Variants in CFAP74 observed in about 807,000 individuals in gnomAD.
The protein encoded by CFAP74 is cilia and flagella associated protein 74.
A neutral mutation model predicts 188.9 loss-of-function variants in CFAP74; 124 were observed. That is an observed-to-expected ratio of 0.66 (90% CI 0.57 to 0.76). CFAP74 has a LOEUF of 0.76. Among genes scored for constraint, CFAP74 ranks in the 30% least tolerant of loss-of-function variants. CFAP74 has a pLI of 0.00. For synonymous variants in CFAP74, 956 were observed against 916.7 expected (o/e 1.04, Z -0.77); for missense variants, 2,198 against 2,165.2 (o/e 1.02, Z -0.30).
chr1:1,947,918 G>C (rs1000368511), intron 18 of CFAP74, among the ~76,000 whole-genome samples: 1 of 152,168 alleles, frequency 6.6e-6, no homozygotes, highest in African/African-American at 2.4e-5. Flanking sequence ...TGTCATCCAG[G>C]CTGGAGTACA....
rs1006320100 is a variant in CFAP74 at position 1,923,841 on chromosome 1, G to T, written c.4323C>A (p.Val1441=). 28 of 1,613,450 alleles carry T rather than the reference G, an allele frequency of 1.7e-5. No homozygotes were observed. Among genetic ancestry groups the T allele is most frequent in the Non-Finnish European group, 2.4e-5 (28 of 1,179,814 alleles). Residue 1441 remains valine, a synonymous_variant, in exon 35 of 39, where the codon GTC becomes GTA. Transcript: ENST00000682832. This position sits in a 1 kb window ranked among gnomAD's most constrained non-coding sequence, Gnocchi z 6.3. ...MDPGKTQDFT[V]TFSPDHESLY... Reference sequence around the variant, plus strand: ...GGCTTTCGTGGTCGGGGCTGAAGGTGACAGTGAAGTCTTGTGTCTTCCCGG... The same window carrying T: ...GGCTTTCGTGGTCGGGGCTGAAGGTTACAGTGAAGTCTTGTGTCTTCCCGG...
At chr1:1,980,463 A>G (rs1027321618) in intron 6 of CFAP74, among the ~76,000 whole-genome samples, 1 of 145,928 alleles carries the variant, frequency 6.9e-6, no homozygotes, top group African/African-American at 2.6e-5. Flanking sequence ...GAGAGACTGT[A>G]TCTAAGCCAC....
intron 11 of CFAP74, among the ~76,000 whole-genome samples, chr1:1,967,422 A>C (rs1188634271): frequency 2.0e-5 from 2 of 100,218 alleles, no homozygotes; most frequent in Non-Finnish European, 3.6e-5. Context: ...AGAAAATCGC[A>C]GGGAGCAGCT....
At chr1:1,924,560 G>A (rs750281482) in intron 33 of CFAP74, 40 bp from the exon 34 acceptor site, 1 of 1,573,286 alleles carries the variant, frequency 6.4e-7, no homozygotes, top group South Asian at 1.2e-5. Context: ...GCCAGCCCCT[G>A]CCTGGCTGCC....
At chr1:1,946,681 G>A (rs66538708) in intron 19 of CFAP74, among the ~76,000 whole-genome samples, 6,332 of 152,232 alleles carry the variant, frequency 0.042, 198 homozygotes, top group Non-Finnish European at 0.065. Flanking sequence ...CTGCTCATGA[G>A]CTCATGGCCG....
chr1:1,988,728 C>T (rs1422359894), intron 3 of CFAP74, 73 bp from the exon 4 acceptor site: 14 of 1,573,458 alleles, frequency 8.9e-6, no homozygotes, highest in Middle Eastern at 2.0e-4. Context: ...GTGTGGCTGC[C>T]GGGGTAGGTG....
At position 1,924,584 on chromosome 1, in the gene CFAP74, C is replaced by A. The variant is rs546500802; in HGVS notation, c.4105-64G>T. On this transcript the variant is annotated intron_variant, in intron 33 of 38. Transcript: ENST00000682832. Reference sequence around the variant, plus strand: ...TGCCTGGCTGCCCCCTTCCTGTCGTCGGTGCCCAGGACTTGGCTGGTGCTA... The same window carrying A: ...TGCCTGGCTGCCCCCTTCCTGTCGTAGGTGCCCAGGACTTGGCTGGTGCTA... The A allele has an allele frequency of 2.0e-4, 313 of 1,538,108 alleles. 1 individual carries two copies. The highest frequency in any genetic ancestry group is 5.4e-4 in the Middle Eastern group (3 of 5,604).
At chr1:1,977,132 G>A (rs894475456) in intron 6 of CFAP74, among the ~76,000 whole-genome samples, 1 of 152,078 alleles carries the variant, frequency 6.6e-6, no homozygotes, top group African/African-American at 2.4e-5. Flanking sequence ...ACAGATGTGA[G>A]CCACCTCGCC....
At chr1:1,970,087 G>T (rs1320337627) in intron 10 of CFAP74, among the ~76,000 whole-genome samples, 3 of 152,220 alleles carry the variant, frequency 2.0e-5, no homozygotes, top group Non-Finnish European at 4.4e-5. Context: ...CCCGTGGGTG[G>T]GGGGTCCGAG....
intron 6 of CFAP74, among the ~76,000 whole-genome samples, 168 bp from the exon 7 acceptor site, chr1:1,974,366 C>T (rs1656300282): frequency 6.6e-6 from 1 of 152,216 alleles, no homozygotes; most frequent in Non-Finnish European, 1.5e-5. Context: ...GACACTGAGG[C>T]CCGCCCTGCC....
chr1:1,971,351 A>ATGCACACACATGCACACACG lies in CFAP74; in HGVS notation c.889-536_889-535insCGTGTGTGCATGTGTGTGCA, dbSNP rs1491463901. ...CACACCTGCACACACGTGCACACAC[A>ATGCACACACATGCACACACG]TGCACACCTGCACACACACGGTCAC... On this transcript the variant is annotated intron_variant, in intron 9 of 38. Transcript: ENST00000682832. 6.2e-4 allele frequency among the ~76,000 whole-genome samples: 92 copies of ATGCACACACATGCACACACG among 148,658 alleles called. 1 individual carries two copies. In the East Asian group the frequency reaches 0.018, roughly 29 times the overall value.
chr1:1,926,860 G>A (rs768364769), intron 29 of CFAP74, 34 bp downstream of exon 29: 5 of 1,549,418 alleles, frequency 3.2e-6, no homozygotes, highest in Non-Finnish European at 3.5e-6. Context: ...GTTTGCGGCT[G>A]ACCACACCCT....
intron 1 of CFAP74, among the ~76,000 whole-genome samples, chr1:1,998,745 C>T (rs979225017): frequency 1.3e-4 from 19 of 151,822 alleles, no homozygotes; most frequent in African/African-American, 1.7e-4. Context: ...GGCGTGGTGG[C>T]GGGCACCTGT....
chr1:1,927,520 G>A, intron 28 of CFAP74, 87 bp downstream of exon 28: 1 of 1,273,936 alleles, frequency 7.8e-7, no homozygotes, highest in Non-Finnish European at 1.1e-6. Context: ...CGGGCAATCT[G>A]TAGGGAGGGG....
chr1:1,990,784 A>G (rs527885795), intron 2 of CFAP74, 106 bp downstream of exon 2: 1 of 778,002 alleles, frequency 1.3e-6, no homozygotes, highest in East Asian at 2.7e-5. Context: ...TGAGTGTAAA[A>G]GATACCCTCT....
chr1:1,927,799 G>GTCGCTCCCCCCA, intron 27 of CFAP74, 53 bp from the exon 28 acceptor site: 1 of 1,516,030 alleles, frequency 6.6e-7, no homozygotes, highest in Non-Finnish European at 8.9e-7. Flanking sequence ...AACACAGCCA[G>GTCGCTCCCCCCA]CTGTGCCCCG....
chr1:1,929,987 C>T (rs1433540392), intron 26 of CFAP74, 73 bp downstream of exon 26: 16 of 1,433,728 alleles, frequency 1.1e-5, no homozygotes, highest in Non-Finnish European at 1.5e-5. Flanking sequence ...TGGGCAGAGC[C>T]AGACACCCCA....
chr1:1,973,993 AAG>A lies in CFAP74; in HGVS notation c.674+30_674+31del, dbSNP rs1212553458. On this transcript the variant is annotated intron_variant, in intron 7 of 38. Transcript: ENST00000682832. The surrounding 1 kb of genome is among the most constrained non-coding windows in gnomAD (Gnocchi z 6.2). ...GGAGGGGCTGGCAGAAGCTGCTGGGAAGGGATGGAGGTGGGCCTGGGTGTCGC... is the reference window on the plus strand; with the variant it reads ...GGAGGGGCTGGCAGAAGCTGCTGGGAGGATGGAGGTGGGCCTGGGTGTCGC... 1 of 1,499,318 alleles carries A rather than the reference AAG, an allele frequency of 6.7e-7. No individual in the cohort carries two copies. Among genetic ancestry groups the A allele is most frequent in the African/African-American group, 1.4e-5 (1 of 71,388 alleles). The allele number at this position is 1,499,318 out of a possible 1,614,324, so 92.9% of individuals were successfully genotyped here.
intron 1 of CFAP74, among the ~76,000 whole-genome samples, chr1:1,996,549 A>G (rs939988291): frequency 6.6e-6 from 1 of 152,184 alleles, no homozygotes; most frequent in Non-Finnish European, 1.5e-5. Context: ...CATACGAAAA[A>G]ATAGAGAAAA....
Sources: allele counts gnomAD v4.1 joint callset (sites outside exome capture counted in the v4.1 genomes callset), GRCh38; gene constraint gnomAD v4.1.1; non-coding constraint Gnocchi (gnomAD v3.1); transcripts MANE v1.5; gene names NCBI Gene and HGNC (gene_info 2026-07-23, HGNC 2026-07-21).